PDZD7: variants seen among roughly 807,000 people sequenced by gnomAD.
PDZD7 encodes PDZ domain-containing protein 7.
A neutral mutation model predicts 84.7 loss-of-function variants in PDZD7; 72 were observed. The ratio of observed to expected loss-of-function variants is 0.85; its 90% CI spans 0.70 to 1.03. PDZD7 has a LOEUF of 1.03. Ranked by LOEUF, PDZD7 falls within the 50% of genes least tolerant of loss-of-function variation. The pLI is 0.00. For missense variants in PDZD7, 1,490 were observed against 1,412.9 expected, an observed-to-expected ratio of 1.05 and a Z score of -0.87; for synonymous variants, 594 against 580.7, an observed-to-expected ratio of 1.02 and a Z score of -0.33.
intron 11 of PDZD7, among the ~76,000 whole-genome samples, chr10:101,012,836 C>A (rs1051091272): frequency 1.3e-5 from 2 of 152,224 alleles, no homozygotes; most frequent in Non-Finnish European, 2.9e-5. Context: ...TTGTTCGGGG[C>A]TAGAATAGGA....
At chr10:101,029,931 G>A (rs935111285) in intron 2 of PDZD7, 63 bp downstream of exon 2, 4 of 1,521,364 alleles carry the variant, frequency 2.6e-6, no homozygotes, top group Non-Finnish European at 3.6e-6. Context: ...CTCCTGCTGA[G>A]TTCCCATTGT....
intron 7 of PDZD7, 58 bp downstream of exon 7, chr10:101,020,560 G>C: frequency 6.6e-7 from 1 of 1,522,340 alleles, no homozygotes; most frequent in African/African-American, 1.4e-5. Flanking sequence ...AGAGAGCCGG[G>C]CCCCACCCTA....
intron 11 of PDZD7, among the ~76,000 whole-genome samples, chr10:101,015,376 T>G (rs147348557): frequency 9.6e-4 from 147 of 152,344 alleles, no homozygotes; most frequent in African/African-American, 3.3e-3. Flanking sequence ...CCGTCTCATG[T>G]TCTTTTTCTT....
At chr10:101,012,807 C>T (rs368033550) in intron 11 of PDZD7, among the ~76,000 whole-genome samples, 90 of 152,366 alleles carry the variant, frequency 5.9e-4, no homozygotes, top group African/African-American at 2.1e-3. Flanking sequence ...TGTCTGCACA[C>T]AGACCTACAA....
Position 101,012,156 on chromosome 10 carries a change from C to T in PDZD7, c.1841+11G>A. ...TCCTGCCCCCAAGCCCTCTCTGCAACCTCCTCCCACCTGATGTCCTGCAGC... is the reference window on the plus strand; with the variant it reads ...TCCTGCCCCCAAGCCCTCTCTGCAATCTCCTCCCACCTGATGTCCTGCAGC... On this transcript the variant is annotated intron_variant, in intron 12 of 16. Transcript: ENST00000619208. 6.5e-7 allele frequency: 1 copy of T among 1,550,050 alleles called. No homozygotes were observed. The highest frequency in any genetic ancestry group is 8.7e-7 in the Non-Finnish European group (1 of 1,146,592).
chr10:101,010,668 C>T lies in PDZD7; in HGVS notation c.2221G>A (p.Val741Met). 3 of 1,414,784 alleles carry T rather than the reference C, an allele frequency of 2.1e-6. No individual in the cohort carries two copies. The highest frequency in any genetic ancestry group is 2.8e-6 in the Non-Finnish European group (3 of 1,086,838). The allele number at this position is 1,414,784 out of a possible 1,614,324, so 87.6% of individuals were successfully genotyped here. ...ACTPPPQLPP[V>M]APRPLRPNWL... ...TTAGGCCGCAGGGGCCGGGGAGCCA[C>T]GGGGGGTAGCTGGGGAGGGGGTGTG... Residue 741 changes from valine (V) to methionine (M), a missense_variant, in exon 15 of 17, where the codon GTG becomes ATG. Transcript: ENST00000619208.
Position 101,022,390 on chromosome 10 carries a change from A to G in PDZD7, c.543-5T>C, listed in dbSNP as rs1230666930. ...CGCCGATTCACCACATCCACCCTGG[A>G]CAACAGCAGGGGGCCCTCAGGTGGG... On this transcript the variant is annotated splice_polypyrimidine_tract_variant and splice_region_variant and intron_variant, in intron 4 of 16. Coordinates refer to ENST00000619208, the MANE Select transcript of PDZD7 (RefSeq NM_001195263.2). 1 of 1,614,036 alleles carries G rather than the reference A, an allele frequency of 6.2e-7. No homozygotes were observed. The highest frequency in any genetic ancestry group is 8.5e-7 in the Non-Finnish European group (1 of 1,180,014).
At chr10:101,016,901 T>C (rs539572953) in intron 9 of PDZD7, among the ~76,000 whole-genome samples, 2 of 152,206 alleles carry the variant, frequency 1.3e-5, no homozygotes, top group African/African-American at 2.4e-5. Context: ...GTCTCTCCCA[T>C]GGTACAATCA....
chr10:101,024,479 G>A (rs1937596085), intron 2 of PDZD7, among the ~76,000 whole-genome samples: 1 of 152,112 alleles, frequency 6.6e-6, no homozygotes, highest in Non-Finnish European at 1.5e-5. Flanking sequence ...CTGGCCTCAA[G>A]CAATTCTCCC....
intron 16 of PDZD7, among the ~76,000 whole-genome samples, 167 bp from the exon 17 acceptor site, chr10:101,009,017 G>C (rs1852306514): frequency 6.6e-6 from 1 of 152,176 alleles, no homozygotes; most frequent in Non-Finnish European, 1.5e-5. Flanking sequence ...TTGGGGGCAG[G>C]GTGGGGCACA....
intron 13 of PDZD7, 56 bp from the exon 14 acceptor site, chr10:101,011,817 G>A: frequency 1.3e-6 from 2 of 1,550,518 alleles, no homozygotes; most frequent in Non-Finnish European, 1.7e-6. Context: ...CTCCGGGACG[G>A]AGGCAGCTCA....
chr10:101,009,670 C>T (rs539759532), intron 15 of PDZD7, among the ~76,000 whole-genome samples: 11 of 135,266 alleles, frequency 8.1e-5, no homozygotes, highest in Non-Finnish European at 9.3e-5. Context: ...TGCAATGGCA[C>T]GATCTCGGCT....
At chr10:101,026,750 G>A (rs1341491033) in intron 2 of PDZD7, among the ~76,000 whole-genome samples, 5 of 150,306 alleles carry the variant, frequency 3.3e-5, no homozygotes, top group East Asian at 2.0e-4. Context: ...TACAGGGCAC[G>A]GCCAGGGCAG....
At chr10:101,017,900 G>GAAAGA (rs1852783725) in intron 9 of PDZD7, 199 bp downstream of exon 9, 4 of 453,040 alleles carry the variant, frequency 8.8e-6, no homozygotes, top group East Asian at 6.4e-5. Context: ...AGAAAAGAAA[G>GAAAGA]AAAGAAAGAA....
At position 101,010,894 on chromosome 10, in the gene PDZD7, G is replaced by A. The variant is rs1255120831; in HGVS notation, c.2006-11C>T. On this transcript the variant is annotated splice_polypyrimidine_tract_variant and intron_variant, in intron 14 of 16. Coordinates refer to ENST00000619208, the MANE Select transcript of PDZD7 (RefSeq NM_001195263.2). Reference sequence around the variant, plus strand: ...AGCCTCCGCGGCTGTCTGGGGAAGAGCGCCAAGGTCAGCTGCCCACTCCTC... The same window carrying A: ...AGCCTCCGCGGCTGTCTGGGGAAGAACGCCAAGGTCAGCTGCCCACTCCTC... 1.6e-5 allele frequency: 25 copies of A among 1,529,760 alleles called. No individual in the cohort carries two copies. The highest frequency in any genetic ancestry group is 2.2e-5 in the Non-Finnish European group (25 of 1,146,466). The allele number at this position is 1,529,760 out of a possible 1,614,324, so 94.8% of individuals were successfully genotyped here. A position where few individuals can be genotyped will look rare whatever the true frequency, so the allele number is the denominator to read the frequency against.
rs751360598 is a variant in PDZD7 at position 101,030,162 on chromosome 10, C to A, written c.58G>T (p.Gly20Cys). Residue 20 changes from glycine (G) to cysteine (C), a missense_variant, in exon 2 of 17, where the codon GGC becomes TGC. By Grantham distance (159) the Gly-to-Cys change is radical. Transcript: ENST00000619208. ...DPLGLGDLSS[G>C]SLSSLSSRGH... Reference sequence around the variant, plus strand: ...CGGGAGGAGAGGGAGCTCAGAGAGCCGGAGCTCAGGTCTCCTAGGCCCAGT... The same window carrying A: ...CGGGAGGAGAGGGAGCTCAGAGAGCAGGAGCTCAGGTCTCCTAGGCCCAGT... 2 of 1,613,946 alleles carry A rather than the reference C, an allele frequency of 1.2e-6. No homozygotes were observed. Among genetic ancestry groups the A allele is most frequent in the African/African-American group, 1.3e-5 (1 of 75,070 alleles).
At position 101,008,718 on chromosome 10, in the gene PDZD7, C is replaced by T. The variant is rs1013643993; in HGVS notation, c.2851G>A (p.Gly951Arg). ...EPMELVVRVP[G>R]PSPRPSPSDS... is the part of the protein sequence containing the mutation. ...GAGGGTGAGGGCCGTGGGCTGGGCCCGGGGACCCTGACCACAAGCTCCATG... is the reference window on the plus strand; with the variant it reads ...GAGGGTGAGGGCCGTGGGCTGGGCCTGGGGACCCTGACCACAAGCTCCATG... Residue 951 changes from glycine to arginine, a missense_variant, in exon 17 of 17, where the codon GGG (glycine) becomes AGG (arginine). Gly to Arg is a moderately radical substitution (Grantham distance 125). Transcript: ENST00000619208. 25 of 1,535,786 alleles carry T rather than the reference C, an allele frequency of 1.6e-5. No homozygotes were observed. In the East Asian group the frequency reaches 2.4e-4, roughly 15 times the overall value.
At chr10:101,018,023 T>A (rs1852798347) in intron 9 of PDZD7, 76 bp downstream of exon 9, 1 of 1,587,282 alleles carries the variant, frequency 6.3e-7, no homozygotes, top group Non-Finnish European at 8.6e-7. Flanking sequence ...CGGTGTGGGA[T>A]CTCAACTCAG....
rs1852297519 is a variant in PDZD7, at chr10:101,008,769, C to G, written c.2800G>C (p.Ala934Pro). 6.5e-7 allele frequency: 1 copy of G among 1,535,402 alleles called. No individual in the cohort carries two copies. The highest frequency in any genetic ancestry group is 1.4e-5 in the African/African-American group (1 of 72,984). ...GGCTCCCGGGCCTTGTTTCGATAAGCCCGACGGATGGTGTCTACTGCACGC... is the reference window on the plus strand; with the variant it reads ...GGCTCCCGGGCCTTGTTTCGATAAGGCCGACGGATGGTGTCTACTGCACGC... ...HQRAVDTIRR[A>P]YRNKAREPME... Residue 934 changes from alanine to proline, a missense_variant, in exon 17 of 17, where the codon GCT (alanine) becomes CCT (proline). Transcript: ENST00000619208.
Sources: allele counts gnomAD v4.1 joint callset (sites outside exome capture counted in the v4.1 genomes callset), GRCh38; gene constraint gnomAD v4.1.1; transcripts MANE v1.5; gene names NCBI Gene and HGNC (gene_info 2026-07-23, HGNC 2026-07-21).